The following MAP3K13 variants were observed in gnomAD, a reference collection of about 807,000 sequenced individuals.
MAP3K13 encodes the protein mitogen-activated protein kinase kinase kinase 13.
MAP3K13 carries 52 observed loss-of-function variants against 104.0 expected under a neutral mutation model. That is an observed-to-expected ratio of 0.50 (90% CI 0.40 to 0.63). The LOEUF (loss-of-function observed/expected upper bound fraction) is 0.63. MAP3K13 is among the 20% of genes least tolerant of loss of function. MAP3K13 has a pLI of 0.00. For missense variants in MAP3K13, 914 were observed against 1,218.5 expected, an observed-to-expected ratio of 0.75 and a Z score of 3.72; for synonymous variants, 394 against 442.2, an observed-to-expected ratio of 0.89 and a Z score of 1.37.
At chr3:185,421,726 G>T (rs1486791794) in intron 1 of MAP3K13, among the ~76,000 whole-genome samples, 2 of 152,142 alleles carry the variant, frequency 1.3e-5, no homozygotes, top group Non-Finnish European at 2.9e-5. Flanking sequence ...GAGGAACTGA[G>T]AGGGCAGAAG....
rs750832762 is a variant in MAP3K13, at chr3:185,390,621, A to ATTTTTTTT, written c.-86+27267_-86+27274dup. Among the ~76,000 whole-genome samples, 227 of 123,674 alleles carry ATTTTTTTT rather than the reference A, an allele frequency of 1.8e-3. 5 individuals carry two copies. The highest frequency in any genetic ancestry group is 6.9e-3 in the African/African-American group (217 of 31,270). The allele number at this position is 123,674 out of a possible 152,430, so 81.1% of individuals were successfully genotyped here. Reference sequence around the variant, plus strand: ...TCTTTGAAATCACTTTACAGTCAGAATTTTTTTTTTTTTTTTTTTTTGAGA... The same window carrying ATTTTTTTT: ...TCTTTGAAATCACTTTACAGTCAGAATTTTTTTTTTTTTTTTTTTTTTTTTTTTTGAGA... On this transcript the variant is annotated intron_variant, in intron 1 of 13. Coordinates refer to ENST00000265026, the MANE Select transcript of MAP3K13 (RefSeq NM_004721.5).
chr3:185,286,461 A>G (rs1009860036), intron 2 of MAP3K13, among the ~76,000 whole-genome samples: 2 of 151,982 alleles, frequency 1.3e-5, no homozygotes, highest in African/African-American at 4.8e-5. Context: ...AGAAATTTGC[A>G]TACAAAGATT....
chr3:185,311,662 G>A (rs928426796), intron 2 of MAP3K13, among the ~76,000 whole-genome samples: 3 of 152,160 alleles, frequency 2.0e-5, no homozygotes, highest in African/African-American at 7.2e-5. Context: ...TAGACCTTTA[G>A]TTATTGTCTA....
At chr3:185,403,149 C>A (rs2081069736) in intron 1 of MAP3K13, among the ~76,000 whole-genome samples, 1 of 152,152 alleles carries the variant, frequency 6.6e-6, no homozygotes, top group African/African-American at 2.4e-5. Context: ...TTCTATCTAG[C>A]TAAAGTAGAT....
intron 1 of MAP3K13, among the ~76,000 whole-genome samples, chr3:185,374,140 C>T (rs1367601387): frequency 1.5e-5 from 1 of 65,794 alleles, no homozygotes; most frequent in Non-Finnish European, 5.7e-5. Context: ...GCTATTTTCA[C>T]TCCTTTTTGT....
At chr3:185,375,571 C>T (rs979576930) in intron 1 of MAP3K13, among the ~76,000 whole-genome samples, 2 of 151,924 alleles carry the variant, frequency 1.3e-5, no homozygotes, top group Admixed American at 1.3e-4. Context: ...TTGCCTTGTG[C>T]GGGAAGAGAT....
chr3:185,432,079 A>G (rs1046269057), intron 2 of MAP3K13, among the ~76,000 whole-genome samples: 3 of 152,050 alleles, frequency 2.0e-5, no homozygotes, highest in Non-Finnish European at 4.4e-5. Context: ...TGCTAACAGC[A>G]TTATTATGTT....
intron 1 of MAP3K13, chr3:185,417,759 A>G (rs1296831203): frequency 1.4e-5 from 23 of 1,612,252 alleles, no homozygotes; most frequent in Non-Finnish European, 1.9e-5. Flanking sequence ...CCTGGCGAAG[A>G]ATGGTGTTCC....
At chr3:185,425,066 C>T (rs1714337702) in intron 1 of MAP3K13, among the ~76,000 whole-genome samples, 1 of 152,156 alleles carries the variant, frequency 6.6e-6, no homozygotes, top group Admixed American at 6.5e-5. Flanking sequence ...CCATGTTGTG[C>T]AGGCTGAGTA....
At chr3:185,298,973 G>A (rs543447072) in intron 2 of MAP3K13, among the ~76,000 whole-genome samples, 10 of 152,290 alleles carry the variant, frequency 6.6e-5, no homozygotes, top group African/African-American at 2.2e-4. Context: ...CGTTCCAAAC[G>A]TGTAATCACA....
rs1264553605 is a variant in MAP3K13, at chr3:185,454,698, T to G, written c.1278+3303T>G. Among the ~76,000 whole-genome samples, 3 of 28,508 alleles carry G rather than the reference T, an allele frequency of 1.1e-4. No homozygotes were observed. In the Admixed American group the frequency reaches 1.8e-3, roughly 17 times the overall value. The allele number at this position is 28,508 out of a possible 152,430, so 18.7% of individuals were successfully genotyped here. On this transcript the variant is annotated intron_variant, in intron 7 of 13. Transcript: ENST00000265026. The stretch of plus-strand genomic sequence containing the variant: ...ATATTTATATGATATATATATGAGA[T>G]ATATATATCATATATGAGATATATA...
chr3:185,317,410 G>T (rs1049349901), intron 2 of MAP3K13, among the ~76,000 whole-genome samples: 1 of 152,140 alleles, frequency 6.6e-6, no homozygotes, highest in Non-Finnish European at 1.5e-5. Flanking sequence ...GGAAAGGAAA[G>T]GTTTCCTGAA....
intron 8 of MAP3K13, among the ~76,000 whole-genome samples, chr3:185,464,833 G>A (rs1028861593): frequency 1.3e-5 from 2 of 152,160 alleles, no homozygotes; most frequent in African/African-American, 4.8e-5. Context: ...TCAGTGTCTG[G>A]TGAGGGCCCA....
At chr3:185,344,495 T>C (rs1722841634) in intron 2 of MAP3K13, among the ~76,000 whole-genome samples, 1 of 152,210 alleles carries the variant, frequency 6.6e-6, no homozygotes, top group African/African-American at 2.4e-5. Flanking sequence ...TGCTATACAC[T>C]ATACATGGCA....
chr3:185,411,655 C>A (rs1444681291), intron 1 of MAP3K13, among the ~76,000 whole-genome samples: 1 of 151,936 alleles, frequency 6.6e-6, no homozygotes, highest in African/African-American at 2.4e-5. Context: ...ATAGTAATTT[C>A]TATTAGTGAT....
rs565563745 is a variant in MAP3K13 at position 185,464,880 on chromosome 3, C to T, written c.1389-867C>T. 4.2e-4 allele frequency among the ~76,000 whole-genome samples: 64 copies of T among 152,250 alleles called. 2 individuals are homozygous for T. In the South Asian group the frequency reaches 0.012, roughly 28 times the overall value. ...TGGCACCTTCTATGTGTCCTCACACCGAAGAAGGGCAAAAGGGCTCCCTCA... is the reference window on the plus strand; with the variant it reads ...TGGCACCTTCTATGTGTCCTCACACTGAAGAAGGGCAAAAGGGCTCCCTCA... On this transcript the variant is annotated intron_variant, in intron 8 of 13. Coordinates refer to ENST00000265026, the MANE Select transcript of MAP3K13 (RefSeq NM_004721.5).
rs545823979 is a variant in MAP3K13, at chr3:185,349,160, A to G, written c.-86+63517A>G. ...TTTTAATTTTAGATTCAAGGGGCAC[A>G]TGTGCAGGTTTGTTACATTGGTATA... On this transcript the variant is annotated intron_variant, in intron 2 of 14. Transcript: ENST00000424227. Among the ~76,000 whole-genome samples, 11 of 151,630 alleles carry G rather than the reference A, an allele frequency of 7.3e-5. No individual in the cohort carries two copies. The South Asian group carries it at 2.3e-3, about 32-fold the overall frequency.
At chr3:185,326,723 A>G (rs1461308370) in intron 2 of MAP3K13, among the ~76,000 whole-genome samples, 3 of 152,200 alleles carry the variant, frequency 2.0e-5, no homozygotes, top group East Asian at 1.9e-4. Context: ...AAGAAAAAAA[A>G]AAATGAGGGT....
intron 8 of MAP3K13, among the ~76,000 whole-genome samples, chr3:185,464,010 G>A (rs1717266023): frequency 6.6e-6 from 1 of 152,218 alleles, no homozygotes. Flanking sequence ...AAGGCCAGGT[G>A]CAGTGGCTCA....
Sources: allele counts gnomAD v4.1 joint callset (sites outside exome capture counted in the v4.1 genomes callset), GRCh38; gene constraint gnomAD v4.1.1; transcripts MANE v1.5; gene names NCBI Gene and HGNC (gene_info 2026-07-23, HGNC 2026-07-21).